Variants in ARB2A observed in about 807,000 individuals in gnomAD.
ARB2A encodes the protein ARB2 cotranscriptional regulator A.
the ARB2A span, among the ~76,000 whole-genome samples, chr5:94,014,053 G>A: frequency 6.6e-6 from 1 of 152,158 alleles, no homozygotes; most frequent in Admixed American, 6.5e-5. Context: ...TAACCCATAA[G>A]AAGCATCATG....
chr5:94,021,617 T>A, the ARB2A span, among the ~76,000 whole-genome samples: 1 of 152,206 alleles, frequency 6.6e-6, no homozygotes, highest in African/African-American at 2.4e-5. Flanking sequence ...AGCTTGGTTA[T>A]ACGGTCAAAC....
At chr5:93,657,183 C>T in the ARB2A span, among the ~76,000 whole-genome samples, 2 of 152,120 alleles carry the variant, frequency 1.3e-5, no homozygotes, top group African/African-American at 2.4e-5. Flanking sequence ...GTAGCAAACT[C>T]CCAACTAGTT....
chr5:93,944,620 G>A, the ARB2A span, among the ~76,000 whole-genome samples: 2 of 151,560 alleles, frequency 1.3e-5, no homozygotes, highest in Admixed American at 6.6e-5. Flanking sequence ...GGGGAGGGGA[G>A]GGGAGGGGTG....
At chr5:94,048,505 A>T in the ARB2A span, among the ~76,000 whole-genome samples, 1 of 152,224 alleles carries the variant, frequency 6.6e-6, no homozygotes, top group African/African-American at 2.4e-5. Flanking sequence ...CTGCACAGTC[A>T]TGGATGCTGT....
At chr5:93,723,255 T>G in the ARB2A span, among the ~76,000 whole-genome samples, 12 of 152,152 alleles carry the variant, frequency 7.9e-5, no homozygotes, top group Non-Finnish European at 1.6e-4. Flanking sequence ...CCCTACAACC[T>G]TAACCTGTTA....
At chr5:93,763,095 C>A in the ARB2A span, among the ~76,000 whole-genome samples, 27 of 152,058 alleles carry the variant, frequency 1.8e-4, no homozygotes, top group South Asian at 4.6e-3. Flanking sequence ...CAAAAACATG[C>A]CAAATTGTAA....
At chr5:94,026,422 T>C in the ARB2A span, among the ~76,000 whole-genome samples, 64 of 152,064 alleles carry the variant, frequency 4.2e-4, 1 homozygote, top group Non-Finnish European at 3.7e-4. Context: ...CAAAGAAGAA[T>C]TTCATTGGGT....
At chr5:93,964,996 T>A in the ARB2A span, among the ~76,000 whole-genome samples, 1 of 151,966 alleles carries the variant, frequency 6.6e-6, no homozygotes, top group Non-Finnish European at 1.5e-5. Flanking sequence ...CAGGGACCTG[T>A]CAGTAACACT....
At chr5:93,704,468 AG>A in the ARB2A span, among the ~76,000 whole-genome samples, 1 of 152,162 alleles carries the variant, frequency 6.6e-6, no homozygotes, top group African/African-American at 2.4e-5. Context: ...GGTGGCTGAG[AG>A]GGGAGGATCG....
At chr5:93,661,852 C>G in the ARB2A span, among the ~76,000 whole-genome samples, 1 of 151,930 alleles carries the variant, frequency 6.6e-6, no homozygotes. Context: ...GCTGAAAAGT[C>G]AGGAAGTCAA....
the ARB2A span, among the ~76,000 whole-genome samples, chr5:93,842,425 T>A: frequency 5.3e-5 from 8 of 152,356 alleles, no homozygotes; most frequent in Admixed American, 4.6e-4. Flanking sequence ...TAAATACTTA[T>A]GATCTCAGTT....
chr5:94,085,028 A>T, the ARB2A span, among the ~76,000 whole-genome samples: 1 of 152,206 alleles, frequency 6.6e-6, no homozygotes, highest in Non-Finnish European at 1.5e-5. Flanking sequence ...ACCAAAAGTT[A>T]AAAAGAATGC....
chr5:93,959,040 T>C, the ARB2A span: 1 of 969,322 alleles, frequency 1.0e-6, no homozygotes, highest in Non-Finnish European at 1.4e-6. Context: ...AAAAAACAAC[T>C]AATGGCTGTT....
the ARB2A span, among the ~76,000 whole-genome samples, chr5:94,008,103 G>A: frequency 1.3e-5 from 2 of 152,112 alleles, no homozygotes; most frequent in African/African-American, 4.8e-5. Flanking sequence ...TATGTTCACT[G>A]TAAGCTAAGT....
At chr5:93,706,393 G>A in the ARB2A span, among the ~76,000 whole-genome samples, 1 of 152,296 alleles carries the variant, frequency 6.6e-6, no homozygotes, top group South Asian at 2.1e-4. Flanking sequence ...GGACTGAAAG[G>A]AGGAGAGAAT....
the ARB2A span, among the ~76,000 whole-genome samples, chr5:93,759,111 T>A: frequency 2.5e-4 from 38 of 152,150 alleles, no homozygotes; most frequent in Non-Finnish European, 4.1e-4. Context: ...TCAAGGCTAC[T>A]ATGAACACCT....
At chr5:93,850,446 C>A in the ARB2A span, among the ~76,000 whole-genome samples, 3 of 152,100 alleles carry the variant, frequency 2.0e-5, no homozygotes, top group Non-Finnish European at 2.9e-5. Flanking sequence ...ATAACTGACC[C>A]TCTCAAATAT....
chr5:93,656,338 G>T, the ARB2A span, among the ~76,000 whole-genome samples: 1 of 152,104 alleles, frequency 6.6e-6, no homozygotes, highest in Non-Finnish European at 1.5e-5. Context: ...TGCACATTTT[G>T]CTTCTAACCT....
the ARB2A span, among the ~76,000 whole-genome samples, chr5:93,931,461 C>T: frequency 1.3e-5 from 2 of 152,000 alleles, no homozygotes; most frequent in Admixed American, 6.6e-5. Context: ...CAAAACTCCA[C>T]CTCAAAAAGG....
Sources: gnomAD v4.1 joint callset for allele counts (sites outside exome capture counted in the v4.1 genomes callset) on GRCh38, gnomAD v4.1.1 for gene constraint, MANE v1.5 for transcripts, NCBI Gene and HGNC (gene_info 2026-07-23, HGNC 2026-07-21) for gene names.